Variants in TUSC3 observed in about 807,000 individuals in gnomAD.
TUSC3 encodes tumor suppressor candidate 3.
TUSC3 carries 45 observed loss-of-function variants against 44.8 expected under a neutral mutation model. That is an observed-to-expected ratio of 1.00 (90% CI 0.79 to 1.29). TUSC3 has a LOEUF of 1.29. TUSC3 is among the 50% of genes most tolerant of loss of function. TUSC3 has a pLI of 0.00. For synonymous variants in TUSC3, 212 were observed against 152.9 expected (o/e 1.39, Z -2.85); for missense variants, 519 against 437.9 (o/e 1.19, Z -1.65).
intron 2 of TUSC3, among the ~76,000 whole-genome samples, chr8:15,496,226 A>G (rs1234521786): frequency 6.6e-6 from 1 of 152,196 alleles, no homozygotes; most frequent in Non-Finnish European, 1.5e-5. Flanking sequence ...AGCTTCACAC[A>G]GCATATCCAT....
At chr8:15,418,896 C>T (rs1407992849) in intron 1 of TUSC3, among the ~76,000 whole-genome samples, 1 of 152,160 alleles carries the variant, frequency 6.6e-6, no homozygotes, top group Non-Finnish European at 1.5e-5. Flanking sequence ...GTCCTAGCTA[C>T]TTCAGAAGCT....
At chr8:15,650,314 G>A (rs533108545) in intron 2 of TUSC3, among the ~76,000 whole-genome samples, 7 of 152,272 alleles carry the variant, frequency 4.6e-5, no homozygotes, top group African/African-American at 1.7e-4. Flanking sequence ...TTTAATTTAT[G>A]TGTATAGGGA....
intron 1 of TUSC3, among the ~76,000 whole-genome samples, chr8:15,616,207 T>G (rs954854835): frequency 6.6e-6 from 1 of 152,222 alleles, no homozygotes; most frequent in Non-Finnish European, 1.5e-5. Flanking sequence ...AGGGACTAAT[T>G]TCTGTTTTAG....
chr8:15,437,108 A>T (rs191423496), intron 1 of TUSC3, among the ~76,000 whole-genome samples: 158 of 152,280 alleles, frequency 1.0e-3, no homozygotes, highest in African/African-American at 3.0e-3. Flanking sequence ...TATCTCTAAA[A>T]CTGCAGAGAC....
chr8:15,839,258 G>A, the TUSC3 span, among the ~76,000 whole-genome samples: 1 of 152,124 alleles, frequency 6.6e-6, no homozygotes, highest in Non-Finnish European at 1.5e-5. Flanking sequence ...GAGATTTTGG[G>A]CTGAGATGAT....
chr8:15,712,528 A>G (rs1009882206), intron 6 of TUSC3, among the ~76,000 whole-genome samples: 1 of 151,806 alleles, frequency 6.6e-6, no homozygotes, highest in African/African-American at 2.4e-5. Context: ...GATCTCTTTT[A>G]TGTTCCTATT....
chr8:15,634,103 C>A (rs1335952219), intron 2 of TUSC3, among the ~76,000 whole-genome samples: 1 of 152,158 alleles, frequency 6.6e-6, no homozygotes, highest in African/African-American at 2.4e-5. Context: ...GTTCATCATA[C>A]CTAATGTGGT....
At chr8:15,447,336 A>G (rs1421677003) in intron 1 of TUSC3, among the ~76,000 whole-genome samples, 1 of 152,190 alleles carries the variant, frequency 6.6e-6, no homozygotes, top group Non-Finnish European at 1.5e-5. Context: ...TTAGTACTTC[A>G]GCTGTCAGAA....
intron 1 of TUSC3, among the ~76,000 whole-genome samples, chr8:15,548,008 T>C (rs1393709998): frequency 3.3e-5 from 5 of 151,678 alleles, no homozygotes; most frequent in Admixed American, 3.3e-4. Context: ...AATTGTTTTT[T>C]CTTCTGTGAG....
At chr8:15,495,060 T>C (rs1800862718) in intron 2 of TUSC3, among the ~76,000 whole-genome samples, 1 of 152,224 alleles carries the variant, frequency 6.6e-6, no homozygotes, top group South Asian at 2.1e-4. Flanking sequence ...CAGCTCCATC[T>C]TTGCTGCTGC....
At chr8:15,444,837 T>C (rs1800071316) in intron 1 of TUSC3, among the ~76,000 whole-genome samples, 2 of 152,232 alleles carry the variant, frequency 1.3e-5, no homozygotes, top group African/African-American at 4.8e-5. Flanking sequence ...CTATTTCTTC[T>C]TTCCCTCATC....
chr8:15,482,727 A>ATTTT (rs1210568119), intron 1 of TUSC3, among the ~76,000 whole-genome samples: 4 of 152,214 alleles, frequency 2.6e-5, no homozygotes, highest in African/African-American at 9.6e-5. Context: ...GGAAAACATG[A>ATTTT]TTAAAAATGT....
chr8:15,743,972 A>G (rs965776564), intron 8 of TUSC3, among the ~76,000 whole-genome samples: 18 of 152,134 alleles, frequency 1.2e-4, no homozygotes, highest in African/African-American at 4.3e-4. Flanking sequence ...GGCATGTAAC[A>G]TATTCCCTCT....
the TUSC3 span, among the ~76,000 whole-genome samples, chr8:15,831,143 A>C: frequency 6.6e-6 from 1 of 152,158 alleles, no homozygotes; most frequent in East Asian, 1.9e-4. Context: ...AGCGCAAAAC[A>C]AGTCCCCCAG....
intron 1 of TUSC3, among the ~76,000 whole-genome samples, chr8:15,593,835 C>A (rs1427310925): frequency 1.3e-5 from 2 of 152,024 alleles, no homozygotes; most frequent in Non-Finnish European, 2.9e-5. Context: ...TATTCTCTTC[C>A]TTGCATTTTA....
chr8:15,700,849 C>CT (rs71211076), intron 6 of TUSC3, among the ~76,000 whole-genome samples: 1,804 of 90,508 alleles, frequency 0.02, 128 homozygotes, highest in African/African-American at 0.08. Flanking sequence ...ATGGCTGGAG[C>CT]TTTTTTTTTT....
chr8:15,522,977 C>G (rs1801317842), intron 2 of TUSC3, among the ~76,000 whole-genome samples: 1 of 152,104 alleles, frequency 6.6e-6, no homozygotes, highest in Non-Finnish European at 1.5e-5. Context: ...TGCGAAGATG[C>G]ATCGTTAAGT....
At chr8:15,805,842 G>A in the TUSC3 span, among the ~76,000 whole-genome samples, 1 of 152,072 alleles carries the variant, frequency 6.6e-6, no homozygotes, top group African/African-American at 2.4e-5. Context: ...AGTTAGGGAG[G>A]AGTCCCTCCT....
At chr8:15,667,354 GAAACCA>G (rs1807710194) in intron 5 of TUSC3, among the ~76,000 whole-genome samples, 1 of 151,490 alleles carries the variant, frequency 6.6e-6, no homozygotes, top group Non-Finnish European at 1.5e-5. Flanking sequence ...GTATAACACT[GAAACCA>G]AGTTTTAAAA....
Sources: gnomAD v4.1 joint callset for allele counts (sites outside exome capture counted in the v4.1 genomes callset) on GRCh38, gnomAD v4.1.1 for gene constraint, MANE v1.5 for transcripts, NCBI Gene and HGNC (gene_info 2026-07-23, HGNC 2026-07-21) for gene names.